FAM184A: variants seen among roughly 807,000 people sequenced by gnomAD.
The protein encoded by FAM184A is protein FAM184A.
In FAM184A, 99 loss-of-function variants were observed where a neutral mutation model predicts 143.8. That is an observed-to-expected ratio of 0.69 (90% CI 0.58 to 0.81). The LOEUF is 0.81. FAM184A is among the 40% of genes least tolerant of loss of function. The pLI is 0.00. For synonymous variants in FAM184A, 427 were observed against 446.4 expected (o/e 0.96, Z 0.55); for missense variants, 1,217 against 1,310.5 (o/e 0.93, Z 1.10).
chr6:119,065,830 C>T (rs1787433259), intron 1 of FAM184A, among the ~76,000 whole-genome samples: 1 of 152,178 alleles, frequency 6.6e-6, no homozygotes, highest in Admixed American at 6.5e-5. Flanking sequence ...CTCACCAATA[C>T]TATTACAATA....
At chr6:119,101,986 G>T (rs1032406729) in intron 1 of FAM184A, among the ~76,000 whole-genome samples, 1 of 151,978 alleles carries the variant, frequency 6.6e-6, no homozygotes, top group Non-Finnish European at 1.5e-5. Flanking sequence ...AACCTGGGAG[G>T]CAGAGGTTGC....
intron 1 of FAM184A, among the ~76,000 whole-genome samples, chr6:119,111,871 A>G (rs1788943404): frequency 1.3e-5 from 2 of 152,216 alleles, no homozygotes; most frequent in Admixed American, 1.3e-4. Flanking sequence ...TCATTAAAGA[A>G]ACAGTTTTCA....
At chr6:119,080,087 T>C (rs1016685310), upstream of FAM184A, among the ~76,000 whole-genome samples, 3 of 152,264 alleles carry the variant, frequency 2.0e-5, no homozygotes, top group African/African-American at 7.2e-5. Flanking sequence ...ATTTTAGAAC[T>C]CATGTTCTTT....
chr6:119,058,560 A>G (rs1787098589), intron 1 of FAM184A, among the ~76,000 whole-genome samples: 1 of 152,122 alleles, frequency 6.6e-6, no homozygotes, highest in Non-Finnish European at 1.5e-5. Context: ...AACCAATAAA[A>G]TGTGGCAAAA....
chr6:119,094,785 A>T (rs1201954327), intron 1 of FAM184A, among the ~76,000 whole-genome samples: 1 of 149,972 alleles, frequency 6.7e-6, no homozygotes, highest in Admixed American at 6.6e-5. Context: ...AAAGGAGGGG[A>T]TGTTATTGAA....
intron 9 of FAM184A, among the ~76,000 whole-genome samples, chr6:118,985,171 T>C (rs1364311587): frequency 2.0e-5 from 3 of 152,230 alleles, no homozygotes; most frequent in Non-Finnish European, 4.4e-5. Context: ...GAGATATATC[T>C]GATAAAATGC....
chr6:119,064,685 G>A (rs987204733), intron 1 of FAM184A, among the ~76,000 whole-genome samples: 1 of 152,148 alleles, frequency 6.6e-6, no homozygotes, highest in African/African-American at 2.4e-5. Flanking sequence ...CAGCCTGGGA[G>A]AAAGAGTGAG....
intron 1 of FAM184A, among the ~76,000 whole-genome samples, chr6:119,141,389 C>G (rs571810367): frequency 2.0e-5 from 3 of 152,244 alleles, no homozygotes; most frequent in Admixed American, 6.5e-5. Context: ...AGCGTTGGCA[C>G]CAACCGGAGG....
At chr6:119,076,426 A>G (rs1787873889) in intron 1 of FAM184A, among the ~76,000 whole-genome samples, 1 of 152,152 alleles carries the variant, frequency 6.6e-6, no homozygotes. Context: ...GTCTCATTAG[A>G]TATGAGGTGG....
chr6:118,980,033 G>T, intron 10 of FAM184A, 105 bp downstream of exon 10: 2 of 825,030 alleles, frequency 2.4e-6, no homozygotes, highest in Non-Finnish European at 3.8e-6. Flanking sequence ...GGGTGACAGA[G>T]TGAGACCCTG....
rs1490169652 is a variant in FAM184A at position 119,078,352 on chromosome 6, C to G, written c.-53G>C. 1.5e-6 allele frequency: 2 copies of G among 1,374,550 alleles called. No homozygotes were observed. Among genetic ancestry groups the G allele is most frequent in the Non-Finnish European group, 1.9e-6 (2 of 1,068,908 alleles). The allele number at this position is 1,374,550 out of a possible 1,614,324, so 85.1% of individuals were successfully genotyped here. A position where few individuals can be genotyped will look rare whatever the true frequency, so the allele number is the denominator to read the frequency against. On this transcript the variant is annotated 5_prime_UTR_variant, in exon 1 of 18. Transcript: ENST00000338891. This position sits in a 1 kb window ranked among gnomAD's most constrained non-coding sequence, Gnocchi z 5.5. ...CTGTCCCCGCGGGTGGAGGCAGGCCCGTGGAGCAACGACGCCCGGGAGGCA... is the reference window on the plus strand; with the variant it reads ...CTGTCCCCGCGGGTGGAGGCAGGCCGGTGGAGCAACGACGCCCGGGAGGCA...
At chr6:119,014,143 A>G (rs941679660) in intron 5 of FAM184A, among the ~76,000 whole-genome samples, 4 of 152,276 alleles carry the variant, frequency 2.6e-5, no homozygotes, top group African/African-American at 4.8e-5. Flanking sequence ...AAATCAAACC[A>G]AAGTGTCATA....
chr6:119,128,289 A>T (rs1789429357), intron 1 of FAM184A, among the ~76,000 whole-genome samples: 1 of 152,236 alleles, frequency 6.6e-6, no homozygotes, highest in African/African-American at 2.4e-5. Context: ...CACAAAGACC[A>T]TCTTAAATTT....
intron 1 of FAM184A, among the ~76,000 whole-genome samples, chr6:119,088,144 A>G (rs1788275713): frequency 6.6e-6 from 1 of 152,182 alleles, no homozygotes; most frequent in African/African-American, 2.4e-5. Flanking sequence ...GGGAAGATGA[A>G]AAAGGTCCAG....
intron 9 of FAM184A, among the ~76,000 whole-genome samples, chr6:118,981,025 G>A (rs1461329753): frequency 3.9e-5 from 6 of 152,112 alleles, no homozygotes; most frequent in South Asian, 2.1e-4. Flanking sequence ...TGTCTCAAAC[G>A]TCCCACAATC....
Position 119,024,595 on chromosome 6 carries a change from C to A in FAM184A, c.378G>T (p.Leu126Phe). 6.2e-7 allele frequency: 1 copy of A among 1,614,172 alleles called. No homozygotes were observed. Among genetic ancestry groups the A allele is most frequent in the South Asian group, 1.1e-5 (1 of 91,076 alleles). ...TGTGCTTATAAGCTTCAAATTCTGT[C>A]AAAGCCTGCTGCTTCATTTTTATGT... The part of the protein sequence containing the change: ...EDHIKMKQQA[L>F]TEFEAYKHRV... Residue 126 changes from leucine (L) to phenylalanine (F), a missense_variant, in exon 2 of 18, where the codon TTG (leucine) becomes TTT (phenylalanine). Transcript: ENST00000338891.
intron 1 of FAM184A, among the ~76,000 whole-genome samples, chr6:119,106,760 T>A (rs1437201457): frequency 3.3e-5 from 5 of 152,224 alleles, no homozygotes; most frequent in African/African-American, 1.2e-4. Context: ...CACAAAGATG[T>A]TGTAACAAAG....
chr6:118,987,212 GT>G (rs1784222808), intron 9 of FAM184A, among the ~76,000 whole-genome samples: 1 of 152,074 alleles, frequency 6.6e-6, no homozygotes, highest in Non-Finnish European at 1.5e-5. Context: ...ATACCTATTC[GT>G]TTACATACTG....
intron 6 of FAM184A, among the ~76,000 whole-genome samples, chr6:119,007,649 A>G (rs1249252193): frequency 1.3e-5 from 2 of 152,222 alleles, no homozygotes; most frequent in African/African-American, 2.4e-5. Flanking sequence ...TATAAAGAAT[A>G]GTATTCTAGG....
Sources: allele counts gnomAD v4.1 joint callset (sites outside exome capture counted in the v4.1 genomes callset), GRCh38; gene constraint gnomAD v4.1.1; non-coding constraint Gnocchi (gnomAD v3.1); transcripts MANE v1.5; gene names NCBI Gene and HGNC (gene_info 2026-07-23, HGNC 2026-07-21).